The following ZNF469 variants were observed in gnomAD, a reference collection of about 807,000 sequenced individuals.
The protein encoded by ZNF469 is zinc finger protein 469.
In ZNF469, 1 loss-of-function variant was observed where a neutral mutation model predicts 1.0. That is an observed-to-expected ratio of 1.00 (90% CI 0.35 to 4.73). The LOEUF (loss-of-function observed/expected upper bound fraction) is 4.73. Among genes scored for constraint, ZNF469 ranks in the 30% most tolerant of loss-of-function variants. ZNF469 has a pLI of 0.16. For missense variants in ZNF469, 6,100 were observed against 5,356.3 expected (o/e 1.14, Z -4.33); for synonymous variants, 2,703 against 2,363.4 (o/e 1.14, Z -4.17).
the ZNF469 span, among the ~76,000 whole-genome samples, chr16:88,124,232 T>C: frequency 2.6e-5 from 4 of 152,204 alleles, no homozygotes; most frequent in Admixed American, 2.6e-4. Context: ...TGTTTTTTAT[T>C]TTTATTTTAT....
In ZNF469 at chr16:88,439,183, C is replaced by T. The variant is rs1487655728; in HGVS notation, c.11713C>T (p.Pro3905Ser). ...FPQGRPLLRP[P>S]KRGTAVHGAE... ...CCAGGGGAGACCCCTGCTCAGGCCC[C>T]CCAAGAGGGGCACAGCTGTCCACGG... is the stretch of plus-strand genomic sequence containing the variant. The change falls in exon 3 of 3, where the codon CCC becomes TCC. Residue 3905 changes from proline (P) to serine (S), a missense_variant. Pro to Ser is a moderately conservative substitution (Grantham distance 74, BLOSUM62 -1). Transcript: ENST00000565624. 4 of 1,550,326 alleles carry T rather than the reference C, an allele frequency of 2.6e-6. No individual in the cohort carries two copies. The highest frequency in any genetic ancestry group is 3.9e-5 in the Admixed American group (2 of 50,990).
rs1209626070 is a variant in ZNF469 at position 88,428,909 on chromosome 16, C to T, written c.1439C>T (p.Ala480Val). 1.9e-6 allele frequency: 3 copies of T among 1,545,768 alleles called. No individual in the cohort carries two copies. Among genetic ancestry groups the T allele is most frequent in the Admixed American group, 2.0e-5 (1 of 50,844 alleles). The change falls in exon 3 of 3, where the codon GCC becomes GTC. Residue 480 changes from alanine (A) to valine (V), a missense_variant. Coordinates refer to ENST00000565624, the MANE Select transcript of ZNF469 (RefSeq NM_001367624.2). Reference protein sequence around the residue: ...PGQRLCLPQSAPLPWPQVLPT... With the variant: ...PGQRLCLPQSVPLPWPQVLPT... The stretch of plus-strand genomic sequence containing the variant: ...CAGCGGCTCTGCCTCCCCCAGAGTG[C>T]CCCCCTGCCTTGGCCCCAAGTGCTC...
At chr16:88,397,769 C>T (rs11862685) in intron 1 of ZNF469, among the ~76,000 whole-genome samples, 38,797 of 151,970 alleles carry the variant, frequency 0.26, 5,501 homozygotes, top group African/African-American at 0.39. Flanking sequence ...GTCATTCGAA[C>T]GAAGGTGTCA....
chr16:88,211,000 G>T, the ZNF469 span, among the ~76,000 whole-genome samples: 1 of 152,254 alleles, frequency 6.6e-6, no homozygotes, highest in African/African-American at 2.4e-5. Flanking sequence ...CAGGAGAACC[G>T]ATGCCTTCGG....
At chr16:88,294,253 C>T in the ZNF469 span, among the ~76,000 whole-genome samples, 4 of 152,222 alleles carry the variant, frequency 2.6e-5, no homozygotes, top group South Asian at 2.1e-4. Context: ...ACCAGTGTGC[C>T]GCCATGCCAA....
At chr16:88,324,166 C>T in the ZNF469 span, among the ~76,000 whole-genome samples, 1 of 152,226 alleles carries the variant, frequency 6.6e-6, no homozygotes, top group Admixed American at 6.5e-5. Context: ...GCTACTTGGG[C>T]TTCCTCACAG....
At chr16:88,378,164 C>T (rs890216805), upstream of ZNF469, among the ~76,000 whole-genome samples, 8 of 152,088 alleles carry the variant, frequency 5.3e-5, no homozygotes, top group African/African-American at 1.7e-4. Flanking sequence ...GACAGGTGGG[C>T]GCCATGATGT....
At chr16:88,221,384 C>T in the ZNF469 span, among the ~76,000 whole-genome samples, 2 of 152,318 alleles carry the variant, frequency 1.3e-5, no homozygotes, top group East Asian at 1.9e-4. Flanking sequence ...TGCCTGGCCG[C>T]CACACTTCCT....
intron 1 of ZNF469, among the ~76,000 whole-genome samples, chr16:88,386,154 C>G (rs994618171): frequency 6.6e-6 from 1 of 152,184 alleles, no homozygotes; most frequent in Non-Finnish European, 1.5e-5. Flanking sequence ...CCCTCCTGGC[C>G]AGCCAGCCCA....
the ZNF469 span, among the ~76,000 whole-genome samples, chr16:88,309,813 G>A: frequency 6.6e-6 from 1 of 152,172 alleles, no homozygotes; most frequent in Non-Finnish European, 1.5e-5. Flanking sequence ...TGGCCTCCAA[G>A]CCCCTCTGTC....
chr16:88,412,088 C>T (rs1905187332), intron 1 of ZNF469, among the ~76,000 whole-genome samples: 1 of 152,236 alleles, frequency 6.6e-6, no homozygotes, highest in Non-Finnish European at 1.5e-5. Flanking sequence ...GGCGGGGGGT[C>T]CGGAGAGGCA....
the ZNF469 span, among the ~76,000 whole-genome samples, chr16:88,241,742 C>G: frequency 6.6e-6 from 1 of 152,276 alleles, no homozygotes; most frequent in East Asian, 1.9e-4. This position sits in a 1 kb window ranked among gnomAD's most constrained non-coding sequence, Gnocchi z 4.8. Context: ...AGAAGGATGC[C>G]ATGTCTGAGG....
Position 88,436,876 on chromosome 16 carries a change from G to A in ZNF469, c.9406G>A (p.Ala3136Thr), listed in dbSNP as rs1410493933. ...GGGCGAGCTGGACCTGCACAAGCTGGCCCACACGCCCGCGCCGCCGCCCAC... is the reference window on the plus strand; with the variant it reads ...GGGCGAGCTGGACCTGCACAAGCTGACCCACACGCCCGCGCCGCCGCCCAC... ...SLGELDLHKLAHTPAPPPTCY... is the reference protein window; with the variant it reads ...SLGELDLHKLTHTPAPPPTCY... Residue 3136 changes from alanine to threonine, a missense_variant, in exon 3 of 3, where the codon GCC becomes ACC. Coordinates refer to ENST00000565624, the MANE Select transcript of ZNF469 (RefSeq NM_001367624.2). 6.6e-7 allele frequency: 1 copy of A among 1,513,528 alleles called. No individual in the cohort carries two copies. The allele number at this position is 1,513,528 out of a possible 1,614,324, so 93.8% of individuals were successfully genotyped here. A position where few individuals can be genotyped will look rare whatever the true frequency, so the allele number is the denominator to read the frequency against.
chr16:88,437,603 G>T lies in ZNF469; in HGVS notation c.10133G>T (p.Gly3378Val). 6.5e-7 allele frequency: 1 copy of T among 1,537,404 alleles called. No homozygotes were observed. Residue 3378 changes from glycine (G) to valine (V), a missense_variant, in exon 3 of 3, where the codon GGG becomes GTG. Gly to Val is a moderately radical substitution (Grantham distance 109). Transcript: ENST00000565624. ...PRCPRVYPEH[G>V]ELLAHLGGAH... ...TGCCCCCGGGTCTACCCCGAGCACG[G>T]GGAGCTGCTGGCACACCTGGGCGGG...
chr16:88,431,527 G>C lies in ZNF469; in HGVS notation c.4057G>C (p.Gly1353Arg). 6.4e-7 allele frequency: 1 copy of C among 1,550,412 alleles called. No homozygotes were observed. The highest frequency in any genetic ancestry group is 8.7e-7 in the Non-Finnish European group (1 of 1,146,990). ...SVLSSKISSF[G>R]CDPAGFNRDP... ...TCTGTCTTCAAAGATCTCCAGTTTT[G>C]GCTGTGACCCTGCTGGTTTTAACAG... is the stretch of plus-strand genomic sequence containing the variant. Residue 1353 changes from glycine to arginine, a missense_variant, in exon 3 of 3, where the codon GGC (glycine) becomes CGC (arginine). Transcript: ENST00000565624.
chr16:88,378,679 A>G (rs2092514673), upstream of ZNF469, among the ~76,000 whole-genome samples: 1 of 152,162 alleles, frequency 6.6e-6, no homozygotes, highest in African/African-American at 2.4e-5. Context: ...AACTAGGGAG[A>G]GGGTGGCAGC....
chr16:88,312,158 C>T, the ZNF469 span, among the ~76,000 whole-genome samples: 1 of 151,484 alleles, frequency 6.6e-6, no homozygotes, highest in African/African-American at 2.4e-5. Context: ...ACCATGAGAA[C>T]AGTATGGGGG....
the ZNF469 span, among the ~76,000 whole-genome samples, chr16:88,336,154 A>G: frequency 6.7e-6 from 1 of 149,566 alleles, no homozygotes; most frequent in African/African-American, 2.5e-5. Context: ...TTCACGTGAG[A>G]CACTAACATG....
the ZNF469 span, among the ~76,000 whole-genome samples, chr16:88,160,833 C>A: frequency 2.6e-5 from 4 of 152,262 alleles, no homozygotes; most frequent in African/African-American, 7.2e-5. Flanking sequence ...GAACAGTGAG[C>A]AGCACAGGAA....
Sources: gnomAD v4.1 joint callset for allele counts (sites outside exome capture counted in the v4.1 genomes callset) on GRCh38, gnomAD v4.1.1 for gene constraint, Gnocchi (gnomAD v3.1) non-coding constraint, MANE v1.5 for transcripts, NCBI Gene and HGNC (gene_info 2026-07-23, HGNC 2026-07-21) for gene names.